RP1L1: variants seen among roughly 807,000 people sequenced by gnomAD.
RP1L1 encodes RP1 like 1, also known as retinitis pigmentosa 1-like 1 protein.
RP1L1 carries 27 observed loss-of-function variants against 15.7 expected under a neutral mutation model. That is an observed-to-expected ratio of 1.72 (90% confidence interval 1.27 to 2.38). The LOEUF (loss-of-function observed/expected upper bound fraction) is 2.38. RP1L1 is among the 30% of genes most tolerant of loss of function. The pLI, the probability that RP1L1 is intolerant of heterozygous loss-of-function variation, is 0.00. For synonymous variants in RP1L1, 1,813 were observed against 1,276.7 expected (o/e 1.42, Z -8.96); for missense variants, 4,798 against 3,075.9 (o/e 1.56, Z -13.24).
chr8:10,639,111 TCTAG>T (rs1191209949), intron 1 of RP1L1, among the ~76,000 whole-genome samples: 1 of 151,152 alleles, frequency 6.6e-6, no homozygotes, highest in Non-Finnish European at 1.5e-5. Context: ...GACCCTGCAC[TCTAG>T]CCTGGATGAC....
chr8:10,612,303 C>A lies in RP1L1; in HGVS notation c.1795G>T (p.Glu599Ter), dbSNP rs150491290. ...GTCACAGCCGCTCCCGTGGCCTGCTCGGTGCCCTGTCCTTGCGTCTCTGCC... is the reference window on the plus strand; with the variant it reads ...GTCACAGCCGCTCCCGTGGCCTGCTAGGTGCCCTGTCCTTGCGTCTCTGCC... ...LQAETQGQGT[E>*]QATGAAVTRE... Residue 599 changes from glutamate (E) to a stop codon, truncating the protein, a stop_gained, in exon 4 of 4, where the codon GAG becomes TAG. Coordinates refer to ENST00000382483, the MANE Select transcript of RP1L1 (RefSeq NM_178857.6). LOFTEE classifies it low-confidence loss of function (END_TRUNC). 2 of 1,613,236 alleles carry A rather than the reference C, an allele frequency of 1.2e-6. No individual in the cohort carries two copies. Among genetic ancestry groups the A allele is most frequent in the Non-Finnish European group, 8.5e-7 (1 of 1,180,016 alleles).
At position 10,607,114 on chromosome 8, in the gene RP1L1, G is replaced by T; in HGVS notation, c.6984C>A (p.Ala2328=). ...HVLGDTRSPD[A]KSTGTPHAER... ...CTGCATGAGGGGTCCCCGTGGACTT[G>T]GCATCAGGGCTCCTTGTGTCTCCAA... The change falls in exon 4 of 4, where the codon GCC becomes GCA. Residue 2328 remains alanine (A), a synonymous_variant. Transcript: ENST00000382483. 1.9e-6 allele frequency: 3 copies of T among 1,614,208 alleles called. No homozygotes were observed. The highest frequency in any genetic ancestry group is 2.5e-6 in the Non-Finnish European group (3 of 1,180,038).
intron 2 of RP1L1, chr8:10,621,569 G>T: frequency 2.6e-6 from 1 of 383,716 alleles, no homozygotes; most frequent in Non-Finnish European, 5.3e-6. Context: ...CAGGTGATCC[G>T]CCTGCCTCAG....
intron 1 of RP1L1, among the ~76,000 whole-genome samples, chr8:10,639,272 G>T (rs1432128656): frequency 1.3e-5 from 2 of 152,190 alleles, no homozygotes; most frequent in African/African-American, 4.8e-5. Context: ...GAGAGAGAAA[G>T]ACACAGGACA....
intron 1 of RP1L1, among the ~76,000 whole-genome samples, chr8:10,650,704 G>T (rs548211971): frequency 3.3e-5 from 5 of 152,216 alleles, no homozygotes; most frequent in African/African-American, 9.6e-5. Context: ...TGCAACTACA[G>T]GTGTGTGCCA....
intron 1 of RP1L1, among the ~76,000 whole-genome samples, chr8:10,630,294 C>T (rs918605945): frequency 1.3e-5 from 2 of 152,226 alleles, no homozygotes; most frequent in Non-Finnish European, 2.9e-5. Flanking sequence ...GGCAAAGGCA[C>T]AGACTGAGTT....
Position 10,611,916 on chromosome 8 carries a change from G to T in RP1L1, c.2182C>A (p.Pro728Thr). 3 of 1,613,898 alleles carry T rather than the reference G, an allele frequency of 1.9e-6. No individual in the cohort carries two copies. The highest frequency in any genetic ancestry group is 2.5e-6 in the Non-Finnish European group (3 of 1,180,030). ...CTGGTTCCCAGAAGGTCCTGGGAAG[G>T]AAGAGAGCCCGAGGAGGGAGGTCTC... ...NLRPPSSGSL[P>T]SQDLLGTSSA... is the part of the protein sequence containing the mutation. The change falls in exon 4 of 4, where the codon CCT (proline) becomes ACT (threonine). Residue 728 changes from proline to threonine, a missense_variant. Pro to Thr is a conservative substitution (Grantham distance 38). Coordinates refer to ENST00000382483, the MANE Select transcript of RP1L1 (RefSeq NM_178857.6).
rs765332737 is a variant in RP1L1 at position 10,610,446 on chromosome 8, C to T, written c.3652G>A (p.Ala1218Thr). The T allele has an allele frequency of 5.6e-6, 9 of 1,613,732 alleles. No individual in the cohort carries two copies. In the East Asian group the frequency reaches 2.0e-4, roughly 36 times the overall value. Residue 1218 changes from alanine (A) to threonine (T), a missense_variant, in exon 4 of 4, where the codon GCC becomes ACC. By Grantham distance (58) the Ala-to-Thr change is moderately conservative (BLOSUM62 0). Transcript: ENST00000382483. ...TGTGTCACCAGGGTGCCGTCCATGGCACAGGGTACGCTACTCTCCCCTGAG... is the reference window on the plus strand; with the variant it reads ...TGTGTCACCAGGGTGCCGTCCATGGTACAGGGTACGCTACTCTCCCCTGAG... ...GGSGESSVPC[A>T]MDGTLVTQGT...
chr8:10,629,892 G>C (rs960557007), intron 1 of RP1L1, among the ~76,000 whole-genome samples: 6 of 152,150 alleles, frequency 3.9e-5, no homozygotes, highest in Non-Finnish European at 5.9e-5. Flanking sequence ...CCAAGTCTCT[G>C]TGCTCACCAA....
In RP1L1 at chr8:10,610,456, G is replaced by T. The variant is rs367745657; in HGVS notation, c.3642C>A (p.Ser1214Arg). ...GGGTGCCGTCCATGGCACAGGGTAC[G>T]CTACTCTCCCCTGAGCCTCCAGAGC... ...SSGSGGSGES[S>R]VPCAMDGTLV... The change falls in exon 4 of 4, where the codon AGC becomes AGA. Residue 1214 changes from serine (S) to arginine (R), a missense_variant. By Grantham distance (110) the Ser-to-Arg change is moderately radical. Coordinates refer to ENST00000382483, the MANE Select transcript of RP1L1 (RefSeq NM_178857.6). 28 of 1,613,802 alleles carry T rather than the reference G, an allele frequency of 1.7e-5. No individual in the cohort carries two copies. Among genetic ancestry groups the T allele is most frequent in the Admixed American group, 1.7e-4 (10 of 60,026 alleles).
Position 10,637,280 on chromosome 8 carries a change from C to G in RP1L1, c.-19-14060G>C, listed in dbSNP as rs577055828. On this transcript the variant is annotated intron_variant, in intron 1 of 3. Transcript: ENST00000382483. ...GCGGAATGCGCAGAGTGGCAAGGTC[C>G]TCTCACCCCAGAGCAGAGCACAGGA... 2.0e-5 allele frequency among the ~76,000 whole-genome samples: 3 copies of G among 152,328 alleles called. No homozygotes were observed. The East Asian group carries it at 5.8e-4, about 29-fold the overall frequency.
At chr8:10,642,699 G>A (rs577566115) in intron 1 of RP1L1, among the ~76,000 whole-genome samples, 32 of 152,234 alleles carry the variant, frequency 2.1e-4, no homozygotes, top group African/African-American at 7.5e-4. Context: ...ATTTCCCCAT[G>A]CCCAGTCCCA....
At chr8:10,643,262 C>T (rs533131831) in intron 1 of RP1L1, among the ~76,000 whole-genome samples, 1 of 152,224 alleles carries the variant, frequency 6.6e-6, no homozygotes, top group Admixed American at 6.5e-5. Context: ...AAGGTTTGAG[C>T]CTGGGAGGTG....
At chr8:10,636,084 G>C (rs1433944346) in intron 1 of RP1L1, among the ~76,000 whole-genome samples, 1 of 152,206 alleles carries the variant, frequency 6.6e-6, no homozygotes, top group Non-Finnish European at 1.5e-5. Context: ...GTTTTGGTGT[G>C]GATGAGTTGC....
chr8:10,611,915 G>A lies in RP1L1; in HGVS notation c.2183C>T (p.Pro728Leu). Residue 728 changes from proline to leucine, a missense_variant, in exon 4 of 4, where the codon CCT becomes CTT. Coordinates refer to ENST00000382483, the MANE Select transcript of RP1L1 (RefSeq NM_178857.6). ...NLRPPSSGSL[P>L]SQDLLGTSSA... ...GCTGGTTCCCAGAAGGTCCTGGGAA[G>A]GAAGAGAGCCCGAGGAGGGAGGTCT... 3.1e-6 allele frequency: 5 copies of A among 1,613,934 alleles called. No homozygotes were observed. The highest frequency in any genetic ancestry group is 4.2e-6 in the Non-Finnish European group (5 of 1,180,034).
At chr8:10,643,557 A>T (rs970437629) in intron 1 of RP1L1, among the ~76,000 whole-genome samples, 4 of 152,122 alleles carry the variant, frequency 2.6e-5, no homozygotes, top group African/African-American at 9.7e-5. Context: ...GAAAGGAGAG[A>T]AAAGCATTTA....
intron 2 of RP1L1, among the ~76,000 whole-genome samples, chr8:10,620,197 C>T (rs983787059): frequency 6.6e-6 from 1 of 152,152 alleles, no homozygotes; most frequent in Non-Finnish European, 1.5e-5. Flanking sequence ...GGATGTTAGT[C>T]CAGGGTCTCA....
chr8:10,610,318 G>C lies in RP1L1; in HGVS notation c.3780C>G (p.Thr1260=). 6.2e-7 allele frequency: 1 copy of C among 1,614,206 alleles called. No homozygotes were observed. Among genetic ancestry groups the C allele is most frequent in the South Asian group, 1.1e-5 (1 of 91,078 alleles). ...LENQQQCCFP[T]FLNARACACA... ...AAGCGCAGGCTCGGGCGTTCAAGAA[G>C]GTTGGGAAACAACACTGCTGTTGGT... The change falls in exon 4 of 4, where the codon ACC becomes ACG. Residue 1260 remains threonine, a synonymous_variant. Transcript: ENST00000382483.
At chr8:10,639,256 G>T (rs1003781637) in intron 1 of RP1L1, among the ~76,000 whole-genome samples, 2 of 152,186 alleles carry the variant, frequency 1.3e-5, no homozygotes, top group Non-Finnish European at 1.5e-5. Context: ...AAAGGCTCAT[G>T]CATCAGAGAG....
Sources: gnomAD v4.1 joint callset for allele counts (sites outside exome capture counted in the v4.1 genomes callset) on GRCh38, gnomAD v4.1.1 for gene constraint, MANE v1.5 for transcripts, NCBI Gene and HGNC (gene_info 2026-07-23, HGNC 2026-07-21) for gene names.